The following OBP2B variants were observed in gnomAD, a reference collection of about 807,000 sequenced individuals.
OBP2B encodes the protein odorant-binding protein 2b.
Under a neutral mutation model 21.7 loss-of-function variants are expected in OBP2B, and 10 were observed. The observed-to-expected ratio is 0.46, with a 90% CI of 0.28 to 0.78. The LOEUF is 0.78. OBP2B is among the 30% of genes least tolerant of loss of function. OBP2B has a pLI of 0.11. For missense variants in OBP2B, 153 were observed against 217.7 expected (o/e 0.70, Z 1.87); for synonymous variants, 73 against 91.5 (o/e 0.80, Z 1.16).
At chr9:133,206,834 A>G (rs1421462953) in intron 4 of OBP2B, among the ~76,000 whole-genome samples, 1 of 151,630 alleles carries the variant, frequency 6.6e-6, no homozygotes, top group Non-Finnish European at 1.5e-5. Context: ...GCAGCTCCCA[A>G]TGCCACCCTG....
the OBP2B span, among the ~76,000 whole-genome samples, chr9:133,222,081 G>A: frequency 1.3e-5 from 2 of 152,160 alleles, no homozygotes; most frequent in African/African-American, 2.4e-5. Flanking sequence ...CAGGAGAACC[G>A]CGCTCCAATG....
chr9:133,211,710 T>C (rs555086406), upstream of OBP2B, among the ~76,000 whole-genome samples: 13 of 152,342 alleles, frequency 8.5e-5, no homozygotes, highest in East Asian at 1.9e-4. Context: ...ATCATTAACA[T>C]ATTTTGTTGG....
chr9:133,207,809 TC>T, intron 3 of OBP2B: 1 of 1,382,948 alleles, frequency 7.2e-7, no homozygotes, highest in Non-Finnish European at 9.7e-7. Context: ...ACCCTCAGCT[TC>T]CCCATCCCTA....
At chr9:133,217,719 C>A in the OBP2B span, among the ~76,000 whole-genome samples, 1 of 152,348 alleles carries the variant, frequency 6.6e-6, no homozygotes, top group East Asian at 1.9e-4. Context: ...CATTTCCCTG[C>A]CTGCTGGCCT....
At chr9:133,221,319 G>A in the OBP2B span, among the ~76,000 whole-genome samples, 116,050 of 152,050 alleles carry the variant, frequency 0.76, 44,967 homozygotes, top group Middle Eastern at 0.84. Flanking sequence ...CTTTGGAGTC[G>A]TTCTTCCCAC....
At chr9:133,208,258 T>C (rs1387822599) in intron 2 of OBP2B, 55 bp from the exon 3 acceptor site, 1 of 1,608,536 alleles carries the variant, frequency 6.2e-7, no homozygotes, top group African/African-American at 1.3e-5. Flanking sequence ...TGGCCCATCC[T>C]CAGCTCACCT....
upstream of OBP2B, among the ~76,000 whole-genome samples, chr9:133,212,942 C>T (rs1228488318): frequency 4.7e-5 from 7 of 149,460 alleles, no homozygotes; most frequent in Non-Finnish European, 8.9e-5. Context: ...AAAACAAAAA[C>T]AGGCTGGGCA....
the OBP2B span, among the ~76,000 whole-genome samples, chr9:133,221,606 C>G: frequency 1.3e-5 from 2 of 152,170 alleles, no homozygotes; most frequent in Non-Finnish European, 2.9e-5. Context: ...CCTGACTGAT[C>G]TAGGGCTTTC....
chr9:133,221,036 T>C, the OBP2B span, among the ~76,000 whole-genome samples: 1 of 152,198 alleles, frequency 6.6e-6, no homozygotes, highest in Admixed American at 6.5e-5. Flanking sequence ...ACCTTCGTTT[T>C]AGCCCCGTGA....
At chr9:133,220,483 T>G in the OBP2B span, among the ~76,000 whole-genome samples, 3 of 152,096 alleles carry the variant, frequency 2.0e-5, no homozygotes, top group Non-Finnish European at 4.4e-5. Flanking sequence ...CCTGAAGATG[T>G]CCGCATCCTC....
chr9:133,222,644 C>T, the OBP2B span, among the ~76,000 whole-genome samples: 18 of 152,226 alleles, frequency 1.2e-4, no homozygotes, highest in Admixed American at 7.2e-4. Context: ...AGGAGAATTG[C>T]TTGAACCCGG....
chr9:133,218,367 G>A, the OBP2B span, among the ~76,000 whole-genome samples: 3 of 152,238 alleles, frequency 2.0e-5, no homozygotes, highest in Non-Finnish European at 4.4e-5. Context: ...CTTCTGCTCT[G>A]AGTGAAAGAC....
At chr9:133,214,117 C>T (rs566663178), upstream of OBP2B, among the ~76,000 whole-genome samples, 12 of 152,180 alleles carry the variant, frequency 7.9e-5, no homozygotes, top group Non-Finnish European at 1.6e-4. Context: ...ATTACATGAT[C>T]ATATCGATCA....
At chr9:133,212,824 G>T (rs1442900081), upstream of OBP2B, among the ~76,000 whole-genome samples, 4 of 151,948 alleles carry the variant, frequency 2.6e-5, no homozygotes, top group Admixed American at 2.6e-4. Context: ...CCAGCTAATC[G>T]GGAGGCTGAG....
chr9:133,217,439 G>T, the OBP2B span, among the ~76,000 whole-genome samples: 1 of 152,302 alleles, frequency 6.6e-6, no homozygotes, highest in Middle Eastern at 3.4e-3. Flanking sequence ...AGGGAGAAGC[G>T]CCTCCTAGCA....
chr9:133,220,485 C>T, the OBP2B span, among the ~76,000 whole-genome samples: 25 of 152,070 alleles, frequency 1.6e-4, no homozygotes, highest in African/African-American at 4.6e-4. Context: ...TGAAGATGTC[C>T]GCATCCTCAT....
rs1374801019 is a variant in OBP2B at position 133,209,065 on chromosome 9, G to C, written c.72+63C>G. The C allele has an allele frequency of 2.5e-6, 4 of 1,601,046 alleles. No individual in the cohort carries two copies. In the African/African-American group the frequency reaches 5.4e-5, roughly 21 times the overall value. On this transcript the variant is annotated intron_variant, in intron 1 of 6. Coordinates refer to ENST00000372034, the MANE Select transcript of OBP2B (RefSeq NM_014581.4). The surrounding 1 kb of genome is among the most constrained non-coding windows in gnomAD (Gnocchi z 6.0). ...TGACACCTCCTAAAGCAGGGCCCCT[G>C]GCACTGCCCCCTGCCCAGGAGTCCG...
At position 133,206,046 on chromosome 9, in the gene OBP2B, G is replaced by C; in HGVS notation, c.491-106C>G. ...GCCCCAGAGCCCATCGCAGCCCAGA[G>C]CGCGGAGCCCCAGACCCCATCGCAG... On this transcript the variant is annotated intron_variant, in intron 5 of 6. Coordinates refer to ENST00000372034, the MANE Select transcript of OBP2B (RefSeq NM_014581.4). 5 of 1,510,068 alleles carry C rather than the reference G, an allele frequency of 3.3e-6. No individual in the cohort carries two copies. In the South Asian group the frequency reaches 5.7e-5, roughly 17 times the overall value. 93.5% of individuals were successfully genotyped at this position (1,510,068 alleles called of 1,614,324 possible).
chr9:133,206,213 G>A, intron 5 of OBP2B, 102 bp downstream of exon 5: 2 of 1,339,730 alleles, frequency 1.5e-6, no homozygotes, highest in Non-Finnish European at 2.1e-6. Flanking sequence ...GGGGCACACG[G>A]GGAATGCGGG....
Sources: gnomAD v4.1 joint callset for allele counts (sites outside exome capture counted in the v4.1 genomes callset) on GRCh38, gnomAD v4.1.1 for gene constraint, Gnocchi (gnomAD v3.1) non-coding constraint, MANE v1.5 for transcripts, NCBI Gene and HGNC (gene_info 2026-07-23, HGNC 2026-07-21) for gene names.